Variants in GABRB3 observed in about 807,000 individuals in gnomAD.
The protein encoded by GABRB3 is gamma-aminobutyric acid receptor subunit beta-3.
GABRB3 carries 14 observed loss-of-function variants against 52.1 expected under a neutral mutation model. The ratio of observed to expected loss-of-function variants is 0.27; its 90% CI spans 0.18 to 0.42. The LOEUF (loss-of-function observed/expected upper bound fraction) is 0.42. Ranked by LOEUF, GABRB3 falls within the 10% of genes least tolerant of loss-of-function variation. GABRB3 has a pLI of 1.00. For missense variants in GABRB3, 307 were observed against 609.1 expected, an observed-to-expected ratio of 0.50 and a Z score of 5.22; for synonymous variants, 260 against 232.3, an observed-to-expected ratio of 1.12 and a Z score of -1.08.
In GABRB3 at chr15:26,724,016, T is replaced by C. The variant is rs545194027; in HGVS notation, c.240+48386A>G. On this transcript the variant is annotated intron_variant, in intron 3 of 8. Transcript: ENST00000311550. ...ATGTGGACAGATTCCTTTTTGGTGT[T>C]GTTTCCCACATTTCATTGGCTGCTA... 2.6e-5 allele frequency among the ~76,000 whole-genome samples: 4 copies of C among 152,328 alleles called. No individual in the cohort carries two copies. The East Asian group carries it at 5.8e-4, about 22-fold the overall frequency.
intron 3 of GABRB3, among the ~76,000 whole-genome samples, chr15:26,686,799 G>A (rs564136785): frequency 1.2e-4 from 19 of 152,340 alleles, no homozygotes; most frequent in South Asian, 2.1e-4. Flanking sequence ...TCCAGGAGTC[G>A]CTGTGAATGG....
chr15:26,652,905 CT>C (rs1354480838), intron 3 of GABRB3, among the ~76,000 whole-genome samples: 1 of 152,196 alleles, frequency 6.6e-6, no homozygotes, highest in Non-Finnish European at 1.5e-5. Context: ...TGCTTTCCTC[CT>C]CTTTAAAATA....
chr15:26,707,105 A>C (rs961095123), intron 3 of GABRB3, among the ~76,000 whole-genome samples: 1 of 152,230 alleles, frequency 6.6e-6, no homozygotes, highest in African/African-American at 2.4e-5. Context: ...AAATATTTTA[A>C]CAAAATGCAC....
chr15:26,624,171 C>G, intron 3 of GABRB3: 2 of 983,668 alleles, frequency 2.0e-6, no homozygotes, highest in Non-Finnish European at 2.4e-6. Flanking sequence ...GAGAATGCAC[C>G]TTCACAGGGC....
At chr15:26,557,147 C>T (rs2140669957) in intron 8 of GABRB3, among the ~76,000 whole-genome samples, 1 of 152,234 alleles carries the variant, frequency 6.6e-6, no homozygotes, top group African/African-American at 2.4e-5. Context: ...AGCTGGAGGA[C>T]ATTATCCTAA....
chr15:26,749,367 A>G (rs1371428632), intron 3 of GABRB3, among the ~76,000 whole-genome samples: 2 of 152,150 alleles, frequency 1.3e-5, no homozygotes, highest in Non-Finnish European at 2.9e-5. Flanking sequence ...GTTTGATTTC[A>G]CTATGCTTAG....
intron 3 of GABRB3, among the ~76,000 whole-genome samples, chr15:26,745,961 G>A (rs1177341800): frequency 1.3e-5 from 2 of 152,128 alleles, no homozygotes; most frequent in African/African-American, 4.8e-5. Flanking sequence ...TGAGATAAAT[G>A]CCACAGAGTG....
chr15:26,716,904 A>C (rs1194593554), intron 3 of GABRB3: 1 of 852,638 alleles, frequency 1.2e-6, no homozygotes, highest in African/African-American at 2.2e-5. Flanking sequence ...ACCTCCACCC[A>C]ACCACAGCCT....
chr15:26,680,582 A>G (rs1034646943), intron 3 of GABRB3, among the ~76,000 whole-genome samples: 2 of 152,140 alleles, frequency 1.3e-5, no homozygotes, highest in African/African-American at 4.8e-5. Context: ...CTTACCTTTC[A>G]GAGTAAAAAT....
intron 3 of GABRB3, among the ~76,000 whole-genome samples, chr15:26,771,343 C>CATTTAA (rs1891137618): frequency 2.6e-5 from 4 of 152,150 alleles, no homozygotes; most frequent in Non-Finnish European, 4.4e-5. Flanking sequence ...GAGGAACTAG[C>CATTTAA]AGGCACGCAT....
At chr15:26,726,975 A>G (rs1230861490) in intron 3 of GABRB3, among the ~76,000 whole-genome samples, 1 of 152,194 alleles carries the variant, frequency 6.6e-6, no homozygotes, top group African/African-American at 2.4e-5. Context: ...CCTGACCAAC[A>G]TGGTGAAACC....
At chr15:26,598,206 GT>G (rs59896096) in intron 4 of GABRB3, among the ~76,000 whole-genome samples, 22,504 of 149,946 alleles carry the variant, frequency 0.15, 1,655 homozygotes, top group Non-Finnish European at 0.16. Context: ...TAGATCACAA[GT>G]TTTTTTTTTA....
intron 3 of GABRB3, among the ~76,000 whole-genome samples, chr15:26,745,671 G>GTCCTCTT (rs1382126188): frequency 2.1e-4 from 32 of 152,100 alleles, no homozygotes; most frequent in Non-Finnish European, 1.3e-4. Flanking sequence ...CCACTAATGT[G>GTCCTCTT]TCCTCTTTCT....
intron 3 of GABRB3, among the ~76,000 whole-genome samples, chr15:26,665,788 C>T (rs555271435): frequency 1.4e-4 from 21 of 152,208 alleles, no homozygotes; most frequent in South Asian, 1.0e-3. Flanking sequence ...TGTTGTTTTT[C>T]TTTTCTTTTA....
In GABRB3 at chr15:26,543,665, A is replaced by G. The variant is rs1595424166; in HGVS notation, c.*4128T>C. The G allele has an allele frequency of 6.6e-6, 1 of 152,654 alleles. No individual in the cohort carries two copies. The highest frequency in any genetic ancestry group is 2.4e-5 in the African/African-American group (1 of 41,458). The allele number at this position is 152,654 out of a possible 1,614,324, so 9.5% of individuals were successfully genotyped here. A position where few individuals can be genotyped will look rare whatever the true frequency, so the allele number is the denominator to read the frequency against. ...CAAATAATACCAAAAAATTACATCAATGTGCTTAAGCAAAACTGGGTTTAA... is the reference window on the plus strand; with the variant it reads ...CAAATAATACCAAAAAATTACATCAGTGTGCTTAAGCAAAACTGGGTTTAA... On this transcript the variant is annotated 3_prime_UTR_variant, in exon 9 of 9. Transcript: ENST00000311550.
chr15:26,709,163 T>C (rs749590492), intron 3 of GABRB3, among the ~76,000 whole-genome samples: 14 of 152,208 alleles, frequency 9.2e-5, no homozygotes, highest in Non-Finnish European at 1.8e-4. Flanking sequence ...TCACCACTGA[T>C]ACAGTTTGGA....
chr15:26,675,221 G>A (rs907988954), intron 3 of GABRB3, among the ~76,000 whole-genome samples: 1 of 152,162 alleles, frequency 6.6e-6, no homozygotes, highest in African/African-American at 2.4e-5. Flanking sequence ...AACAAAACAT[G>A]TTAAAGATCT....
chr15:26,554,176 G>GAGTGTATA lies in GABRB3; in HGVS notation c.1081-6043_1081-6042insTATACACT, dbSNP rs71420007. On this transcript the variant is annotated intron_variant, in intron 8 of 8. Coordinates refer to ENST00000311550, the MANE Select transcript of GABRB3 (RefSeq NM_000814.6). The stretch of plus-strand genomic sequence containing the variant: ...TATATATAAAGTATATATATATAAA[G>GAGTGTATA]TATATATATATATACTATATATATA... 2.7e-3 allele frequency among the ~76,000 whole-genome samples: 73 copies of GAGTGTATA among 27,342 alleles called. 4 individuals carry two copies. The highest frequency in any genetic ancestry group is 7.7e-3 in the African/African-American group (68 of 8,802). The allele number at this position is 27,342 out of a possible 152,430, so 17.9% of individuals were successfully genotyped here.
intron 3 of GABRB3, among the ~76,000 whole-genome samples, chr15:26,639,307 G>T (rs1893137242): frequency 6.7e-6 from 1 of 148,942 alleles, no homozygotes; most frequent in African/African-American, 2.5e-5. Context: ...ATTCTCATCT[G>T]TGGAGTCAAA....
Sources: allele counts gnomAD v4.1 joint callset (sites outside exome capture counted in the v4.1 genomes callset), GRCh38; gene constraint gnomAD v4.1.1; transcripts MANE v1.5; gene names NCBI Gene and HGNC (gene_info 2026-07-23, HGNC 2026-07-21).